ETV6: variants seen among roughly 807,000 people sequenced by gnomAD.
ETV6 encodes transcription factor ETV6.
Under a neutral mutation model 51.1 loss-of-function variants are expected in ETV6, and 16 were observed. The observed-to-expected ratio is 0.31, with a 90% CI of 0.21 to 0.48. ETV6 has a LOEUF of 0.48. Among genes scored for constraint, ETV6 ranks in the 20% least tolerant of loss-of-function variants. The probability of loss-of-function intolerance (pLI) is 0.99; values close to 1 mark genes in which losing one functional copy is unlikely to be tolerated. For synonymous variants in ETV6, 240 were observed against 224.1 expected (o/e 1.07, Z -0.64); for missense variants, 458 against 594.8 (o/e 0.77, Z 2.39).
intron 1 of ETV6, among the ~76,000 whole-genome samples, chr12:11,749,286 CATACACACACACACACACACACACA>C (rs1865968839): frequency 3.1e-5 from 2 of 64,326 alleles, no homozygotes; most frequent in East Asian, 8.1e-4. Flanking sequence ...TTATCCCCCC[CATACACACACACACACACACACACA>C]CACACACACA....
chr12:11,869,885 C>A lies in ETV6; in HGVS notation c.925C>A (p.Arg309=), dbSNP rs1465114480. The change falls in exon 5 of 8, where the codon CGG becomes AGG. Residue 309 remains arginine, a synonymous_variant. Coordinates refer to ENST00000396373, the MANE Select transcript of ETV6 (RefSeq NM_001987.5). This position sits in a 1 kb window ranked among gnomAD's most constrained non-coding sequence, Gnocchi z 5.0. Reference sequence around the variant, plus strand: ...AGGGAAGCCCATCAACCTCTCTCATCGGGAAGACCTGGCTTACATGAACCA... The same window carrying A: ...AGGGAAGCCCATCAACCTCTCTCATAGGGAAGACCTGGCTTACATGAACCA... The part of the protein sequence containing the change: ...REGKPINLSH[R]EDLAYMNHIM... 2.5e-6 allele frequency: 4 copies of A among 1,612,908 alleles called. No homozygotes were observed. The highest frequency in any genetic ancestry group is 3.4e-6 in the Non-Finnish European group (4 of 1,180,040).
intron 1 of ETV6, among the ~76,000 whole-genome samples, chr12:11,661,792 T>C (rs1864105102): frequency 2.0e-5 from 3 of 152,232 alleles, no homozygotes; most frequent in African/African-American, 7.2e-5. Flanking sequence ...CTGAATTTTG[T>C]GTTCTGCCTC....
intron 1 of ETV6, among the ~76,000 whole-genome samples, chr12:11,724,829 A>G (rs1357912462): frequency 6.6e-6 from 1 of 152,176 alleles, no homozygotes; most frequent in East Asian, 1.9e-4. Flanking sequence ...GGTTTCCCAA[A>G]TCTATTTGGA....
intron 1 of ETV6, among the ~76,000 whole-genome samples, chr12:11,696,153 C>CA (rs1263917724): frequency 3.3e-5 from 5 of 152,196 alleles, no homozygotes; most frequent in Non-Finnish European, 7.3e-5. Flanking sequence ...ATGAGTAACT[C>CA]AAAGTTTCAA....
chr12:11,823,791 A>G (rs1287022427), intron 2 of ETV6, among the ~76,000 whole-genome samples: 8 of 151,748 alleles, frequency 5.3e-5, no homozygotes, highest in Admixed American at 4.6e-4. Flanking sequence ...TCGATGTTTC[A>G]TCTTCACTAG....
chr12:11,744,571 T>C (rs187118935), intron 1 of ETV6, among the ~76,000 whole-genome samples: 1 of 152,368 alleles, frequency 6.6e-6, no homozygotes, highest in East Asian at 1.9e-4. Context: ...TTGATGCTGC[T>C]GACCTGCTGT....
chr12:11,730,248 C>G (rs1646542611), intron 1 of ETV6, among the ~76,000 whole-genome samples: 1 of 152,206 alleles, frequency 6.6e-6, no homozygotes, highest in South Asian at 2.1e-4. Flanking sequence ...TCTAGGCAGC[C>G]TTTGTAGGCC....
chr12:11,792,170 C>T (rs2136388611), intron 2 of ETV6, among the ~76,000 whole-genome samples: 1 of 152,332 alleles, frequency 6.6e-6, no homozygotes, highest in South Asian at 2.1e-4. Flanking sequence ...CTGTACAGAA[C>T]ACTTAGGCAG....
At chr12:11,863,296 C>T (rs1427808978) in intron 4 of ETV6, among the ~76,000 whole-genome samples, 1 of 152,158 alleles carries the variant, frequency 6.6e-6, no homozygotes, top group African/African-American at 2.4e-5. Flanking sequence ...AGAAATCAGA[C>T]CTTTTTGTAA....
intron 1 of ETV6, among the ~76,000 whole-genome samples, chr12:11,714,757 G>A (rs12317409): frequency 0.018 from 2,784 of 152,218 alleles, 83 homozygotes; most frequent in African/African-American, 0.063. Flanking sequence ...ACTGAGGGGA[G>A]GGAGTAGACT....
chr12:11,768,376 C>A (rs1376508797), intron 2 of ETV6, among the ~76,000 whole-genome samples: 1 of 152,166 alleles, frequency 6.6e-6, no homozygotes, highest in African/African-American at 2.4e-5. Context: ...TCCCAGCAAG[C>A]CTGGCAGGTA....
intron 1 of ETV6, among the ~76,000 whole-genome samples, chr12:11,736,053 A>G (rs991424349): frequency 6.6e-6 from 1 of 152,218 alleles, no homozygotes; most frequent in African/African-American, 2.4e-5. Flanking sequence ...ACAATAAATG[A>G]TAGTTTCTTT....
chr12:11,829,743 AT>A (rs1296317894), intron 2 of ETV6, among the ~76,000 whole-genome samples: 58 of 152,354 alleles, frequency 3.8e-4, no homozygotes, highest in African/African-American at 1.3e-3. Flanking sequence ...GAACATGAAC[AT>A]AGAGTGTTCT....
intron 4 of ETV6, among the ~76,000 whole-genome samples, chr12:11,862,148 T>G: frequency 6.6e-6 from 1 of 152,192 alleles, no homozygotes; most frequent in African/African-American, 2.4e-5. Flanking sequence ...GTTTAGCCCC[T>G]TTCATCAAAT....
At position 11,834,150 on chromosome 12, in the gene ETV6, C is replaced by T. The variant is rs202091755; in HGVS notation, c.164-4990C>T. 2.6e-4 allele frequency among the ~76,000 whole-genome samples: 39 copies of T among 152,200 alleles called. No homozygotes were observed. The East Asian group carries it at 7.3e-3, about 29-fold the overall frequency. On this transcript the variant is annotated intron_variant, in intron 2 of 7. Transcript: ENST00000396373. The stretch of plus-strand genomic sequence containing the variant: ...CAATTAAGGACGTTTCATCTGGAGG[C>T]AAAATGACTAAGCAAGGACGTGATA...
At chr12:11,842,006 C>T (rs1335126651) in intron 3 of ETV6, among the ~76,000 whole-genome samples, 7 of 147,890 alleles carry the variant, frequency 4.7e-5, no homozygotes, top group Admixed American at 2.0e-4. Context: ...GGCGTGAACC[C>T]GGGAGGCGGA....
At position 11,846,513 on chromosome 12, in the gene ETV6, A is replaced by G. The variant is rs540520934; in HGVS notation, c.329-6914A>G. ...TGATTCCAGCCTTCTGAGAACAAGT[A>G]GCGTATAATAAGAACGTTTAAACTA... On this transcript the variant is annotated intron_variant, in intron 3 of 7. Coordinates refer to ENST00000396373, the MANE Select transcript of ETV6 (RefSeq NM_001987.5). Among the ~76,000 whole-genome samples the G allele has an allele frequency of 7.9e-5, 12 of 152,352 alleles. No individual in the cohort carries two copies. In the East Asian group the frequency reaches 2.3e-3, roughly 29 times the overall value.
At chr12:11,818,588 C>T (rs1182443555) in intron 2 of ETV6, among the ~76,000 whole-genome samples, 1 of 151,162 alleles carries the variant, frequency 6.6e-6, no homozygotes, top group East Asian at 1.9e-4. Context: ...TCTCTGGGCA[C>T]ACTGTATGTT....
intron 2 of ETV6, among the ~76,000 whole-genome samples, chr12:11,821,823 G>A (rs751806025): frequency 6.6e-6 from 1 of 152,144 alleles, no homozygotes; most frequent in Non-Finnish European, 1.5e-5. Context: ...TCTGTTGTCT[G>A]GGCAACAGAG....
Sources: gnomAD v4.1 joint callset for allele counts (sites outside exome capture counted in the v4.1 genomes callset) on GRCh38, gnomAD v4.1.1 for gene constraint, Gnocchi (gnomAD v3.1) non-coding constraint, MANE v1.5 for transcripts, NCBI Gene and HGNC (gene_info 2026-07-23, HGNC 2026-07-21) for gene names.